Variants in ANXA10 observed in about 807,000 individuals in gnomAD.
ANXA10 encodes the protein annexin 14.
A neutral mutation model predicts 53.5 loss-of-function variants in ANXA10; 49 were observed. That is an observed-to-expected ratio of 0.92 (90% CI 0.73 to 1.16). The LOEUF is 1.16. Ranked by LOEUF, ANXA10 falls within the 50% of genes most tolerant of loss-of-function variation. ANXA10 has a pLI of 0.00. For synonymous variants in ANXA10, 131 were observed against 128.9 expected, an observed-to-expected ratio of 1.02 and a Z score of -0.11; for missense variants, 393 against 394.4, an observed-to-expected ratio of 1.00 and a Z score of 0.03.
chr4:168,161,175 G>T (rs369070937), intron 3 of ANXA10, among the ~76,000 whole-genome samples: 5 of 152,158 alleles, frequency 3.3e-5, no homozygotes, highest in Middle Eastern at 6.8e-3. Flanking sequence ...TTTTCTTCTA[G>T]GTTTTTTATA....
intron 3 of ANXA10, among the ~76,000 whole-genome samples, chr4:168,141,320 T>C (rs892709599): frequency 6.6e-6 from 1 of 152,220 alleles, no homozygotes; most frequent in Admixed American, 6.5e-5. Context: ...ATTATTTCTC[T>C]TCACACATTT....
At chr4:168,111,536 A>G (rs1279477985) in intron 1 of ANXA10, among the ~76,000 whole-genome samples, 1 of 152,218 alleles carries the variant, frequency 6.6e-6, no homozygotes, top group Admixed American at 6.5e-5. Flanking sequence ...AGAGGACACA[A>G]CATTCAAGGC....
chr4:168,123,211 T>G, intron 1 of ANXA10, among the ~76,000 whole-genome samples: 1 of 152,134 alleles, frequency 6.6e-6, no homozygotes, highest in Non-Finnish European at 1.5e-5. Context: ...CCTTGATTCT[T>G]TCCCCCATGT....
chr4:168,182,098 A>T (rs766885184), intron 10 of ANXA10, among the ~76,000 whole-genome samples: 4 of 152,156 alleles, frequency 2.6e-5, no homozygotes, highest in Non-Finnish European at 5.9e-5. Flanking sequence ...TAAGCAGAAA[A>T]TGTCAAAATA....
chr4:168,107,522 C>T (rs1004717768), intron 1 of ANXA10, among the ~76,000 whole-genome samples: 1 of 152,016 alleles, frequency 6.6e-6, no homozygotes, highest in Non-Finnish European at 1.5e-5. Context: ...TTAAATTGTT[C>T]ATTTAAACTC....
chr4:168,182,318 AT>A (rs542260478), intron 10 of ANXA10, among the ~76,000 whole-genome samples: 4 of 49,724 alleles, frequency 8.0e-5, no homozygotes, highest in South Asian at 1.1e-3. Flanking sequence ...TGGAGCATTA[AT>A]TTTTTTTTTT....
At chr4:168,146,296 G>T (rs536737852) in intron 3 of ANXA10, among the ~76,000 whole-genome samples, 1 of 152,270 alleles carries the variant, frequency 6.6e-6, no homozygotes, top group Non-Finnish European at 1.5e-5. Context: ...ATTTTCATGG[G>T]CCACAGTGAT....
In ANXA10 at chr4:168,156,155, T is replaced by TCA. The variant is rs1174849458; in HGVS notation, c.196-6373_196-6372insCA. ...ATATTATATATAAAAATAATATATATTATATATTATATATATTATATTATA... is the reference window on the plus strand; with the variant it reads ...ATATTATATATAAAAATAATATATATCATATATATTATATATATTATATTATA... On this transcript the variant is annotated intron_variant, in intron 3 of 11. Coordinates refer to ENST00000359299, the MANE Select transcript of ANXA10 (RefSeq NM_007193.5). 8.4e-3 allele frequency among the ~76,000 whole-genome samples: 102 copies of TCA among 12,190 alleles called. 1 individual carries two copies. The highest frequency in any genetic ancestry group is 0.011 in the Non-Finnish European group (93 of 8,194). 8.0% of individuals were successfully genotyped at this position (12,190 alleles called of 152,430 possible). A position where few individuals can be genotyped will look rare whatever the true frequency, so the allele number is the denominator to read the frequency against.
At chr4:168,186,291 C>T (rs517108) in intron 11 of ANXA10, among the ~76,000 whole-genome samples, 37,668 of 152,002 alleles carry the variant, frequency 0.25, 5,019 homozygotes, top group African/African-American at 0.31. Context: ...TTATAGAAGA[C>T]CATTACAAGA....
intron 2 of ANXA10, among the ~76,000 whole-genome samples, chr4:168,134,399 T>G (rs1466019532): frequency 2.0e-5 from 3 of 152,108 alleles, no homozygotes; most frequent in Non-Finnish European, 4.4e-5. Flanking sequence ...TCTGGAAGAA[T>G]AAATAAACAA....
chr4:168,098,965 C>T (rs1355420605), intron 1 of ANXA10, among the ~76,000 whole-genome samples: 1 of 152,076 alleles, frequency 6.6e-6, no homozygotes, highest in East Asian at 1.9e-4. Flanking sequence ...AATAATAAAG[C>T]AACAGAATGT....
intron 10 of ANXA10, among the ~76,000 whole-genome samples, chr4:168,182,007 A>G (rs1346290540): frequency 2.0e-5 from 3 of 152,222 alleles, no homozygotes; most frequent in Non-Finnish European, 4.4e-5. Flanking sequence ...TAATATCTGC[A>G]GAAACTGGTA....
At chr4:168,174,096 CACTG>C (rs1438455920) in intron 6 of ANXA10, among the ~76,000 whole-genome samples, 2 of 152,064 alleles carry the variant, frequency 1.3e-5, no homozygotes, top group African/African-American at 2.4e-5. Context: ...CTTGCTCACC[CACTG>C]ACTGTCAGTG....
Position 168,092,654 on chromosome 4 carries a change from C to T in ANXA10, c.-47C>T. ...GGCTTCACAGTGAAACAAGTTTATG[C>T]AATCGATCAAATATTTTCATCCCTG... On this transcript the variant is annotated 5_prime_UTR_variant, in exon 1 of 12. The change creates a premature stop within an existing upstream ORF in the 5' untranslated region. Coordinates refer to ENST00000359299, the MANE Select transcript of ANXA10 (RefSeq NM_007193.5). 1 of 1,560,934 alleles carries T rather than the reference C, an allele frequency of 6.4e-7. No homozygotes were observed. The highest frequency in any genetic ancestry group is 8.7e-7 in the Non-Finnish European group (1 of 1,146,684).
chr4:168,151,419 G>A (rs140142852), intron 3 of ANXA10, among the ~76,000 whole-genome samples: 1 of 152,274 alleles, frequency 6.6e-6, no homozygotes, highest in Non-Finnish European at 1.5e-5. Context: ...TAATTTAAAT[G>A]GAGTGGTTAG....
intron 11 of ANXA10, 81 bp downstream of exon 11, chr4:168,184,762 T>A: frequency 1.3e-6 from 2 of 1,552,372 alleles, no homozygotes. Context: ...TTCAAATAAC[T>A]TCATGGCAGA....
At chr4:168,156,390 A>T (rs1309313719) in intron 3 of ANXA10, among the ~76,000 whole-genome samples, 2 of 116,658 alleles carry the variant, frequency 1.7e-5, no homozygotes, top group African/African-American at 6.8e-5. Context: ...ATTAATATAT[A>T]TTATATTATA....
At chr4:168,156,414 ATAT>A (rs1310626816) in intron 3 of ANXA10, among the ~76,000 whole-genome samples, 3 of 27,090 alleles carry the variant, frequency 1.1e-4, no homozygotes, top group Non-Finnish European at 2.4e-4. Flanking sequence ...TATATAGTAT[ATAT>A]TATATATACT....
intron 6 of ANXA10, among the ~76,000 whole-genome samples, chr4:168,173,829 C>T (rs1732065732): frequency 1.3e-5 from 2 of 152,164 alleles, no homozygotes; most frequent in African/African-American, 4.8e-5. Flanking sequence ...CATTCCTACC[C>T]TTCCCTAATT....
Sources: allele counts gnomAD v4.1 joint callset (sites outside exome capture counted in the v4.1 genomes callset), GRCh38; gene constraint gnomAD v4.1.1; transcripts MANE v1.5; gene names NCBI Gene and HGNC (gene_info 2026-07-23, HGNC 2026-07-21).